DPY19L1: variants seen among roughly 807,000 people sequenced by gnomAD.
DPY19L1 encodes the protein protein C-mannosyl-transferase DPY19L1.
In DPY19L1, 35 loss-of-function variants were observed where a neutral mutation model predicts 96.9. That is an observed-to-expected ratio of 0.36 (90% confidence interval 0.28 to 0.48). The LOEUF is 0.48. Ranked by LOEUF, DPY19L1 falls within the 20% of genes least tolerant of loss-of-function variation. The probability of loss-of-function intolerance (pLI) is 0.99; values close to 1 mark genes in which losing one functional copy is unlikely to be tolerated. For missense variants in DPY19L1, 521 were observed against 777.9 expected (o/e 0.67, Z 3.93); for synonymous variants, 205 against 252.6 (o/e 0.81, Z 1.79).
intron 6 of DPY19L1, among the ~76,000 whole-genome samples, chr7:35,005,058 G>T (rs1158671330): frequency 6.6e-6 from 1 of 152,106 alleles, no homozygotes; most frequent in African/African-American, 2.4e-5. Flanking sequence ...GATACTGAAT[G>T]GGAAAGAACT....
intron 13 of DPY19L1, 109 bp from the exon 14 acceptor site, chr7:34,950,007 C>G: frequency 1.8e-6 from 1 of 546,392 alleles, no homozygotes; most frequent in Non-Finnish European, 3.1e-6. Flanking sequence ...GCCCACTGTT[C>G]CCACACCAAG....
At chr7:34,964,570 C>T (rs1437667530) in intron 10 of DPY19L1, among the ~76,000 whole-genome samples, 9 of 152,086 alleles carry the variant, frequency 5.9e-5, no homozygotes, top group Non-Finnish European at 1.2e-4. Flanking sequence ...TTATTTAATG[C>T]TAGAAAGTTA....
At position 34,967,515 on chromosome 7, in the gene DPY19L1, C is replaced by T. The variant is rs541915304; in HGVS notation, c.1015-544G>A. 4.6e-5 allele frequency among the ~76,000 whole-genome samples: 7 copies of T among 152,162 alleles called. No homozygotes were observed. In the South Asian group the frequency reaches 1.5e-3, roughly 32 times the overall value. On this transcript the variant is annotated intron_variant, in intron 9 of 21. Coordinates refer to ENST00000638088, the MANE Select transcript of DPY19L1 (RefSeq NM_001366673.1). ...TTTCAAATTAAGAGTACTTTCGCTG[C>T]AAAGGTATTTTTAACTTTCTTTTCC...
chr7:35,022,291 T>C (rs1786013675), intron 1 of DPY19L1, among the ~76,000 whole-genome samples: 1 of 152,190 alleles, frequency 6.6e-6, no homozygotes, highest in South Asian at 2.1e-4. Flanking sequence ...AATCCAAACC[T>C]ATTCTATAAG....
At chr7:34,957,514 T>C (rs1784404559) in intron 11 of DPY19L1, among the ~76,000 whole-genome samples, 1 of 152,220 alleles carries the variant, frequency 6.6e-6, no homozygotes, top group Non-Finnish European at 1.5e-5. Flanking sequence ...TTCTTGGTAG[T>C]GATTTAGCAA....
intron 1 of DPY19L1, among the ~76,000 whole-genome samples, chr7:35,023,637 T>A (rs1008433480): frequency 6.6e-6 from 1 of 152,140 alleles, no homozygotes; most frequent in African/African-American, 2.4e-5. Flanking sequence ...AATGAAAGAA[T>A]GGGCTTCTAA....
At chr7:35,036,357 A>G (rs1352645824) in intron 1 of DPY19L1, among the ~76,000 whole-genome samples, 1 of 152,116 alleles carries the variant, frequency 6.6e-6, no homozygotes, top group Non-Finnish European at 1.5e-5. Flanking sequence ...TCAAAATTCA[A>G]CCAGGAAACA....
chr7:35,017,501 C>CAAAAAAAAAAAA lies in DPY19L1; in HGVS notation c.411+369_411+380dup, dbSNP rs1161959357. On this transcript the variant is annotated intron_variant, in intron 3 of 21. Transcript: ENST00000638088. ...TGGGCGACAGAGCGAGACTCCGTCT[C>CAAAAAAAAAAAA]AAAAAAAAAAAAAAAAAAAAATTAG... Among the ~76,000 whole-genome samples, 19 of 13,672 alleles carry CAAAAAAAAAAAA rather than the reference C, an allele frequency of 1.4e-3. 1 individual carries two copies. The highest frequency in any genetic ancestry group is 1.9e-3 in the African/African-American group (6 of 3,090). 9.0% of individuals were successfully genotyped at this position (13,672 alleles called of 152,430 possible). A position where few individuals can be genotyped will look rare whatever the true frequency, so the allele number is the denominator to read the frequency against.
At chr7:35,017,427 G>A (rs955464757) in intron 3 of DPY19L1, among the ~76,000 whole-genome samples, 16 of 148,734 alleles carry the variant, frequency 1.1e-4, no homozygotes, top group East Asian at 2.0e-4. Flanking sequence ...CCCGGGAAGC[G>A]GAGCTTGCAG....
intron 17 of DPY19L1, among the ~76,000 whole-genome samples, 187 bp from the exon 18 acceptor site, chr7:34,942,071 T>G (rs1584202964): frequency 6.6e-6 from 1 of 152,212 alleles, no homozygotes; most frequent in South Asian, 2.1e-4. Flanking sequence ...AGGCTAAAAT[T>G]ATAAAGTCAT....
At chr7:34,944,268 C>T (rs532457333) in intron 16 of DPY19L1, among the ~76,000 whole-genome samples, 2 of 147,932 alleles carry the variant, frequency 1.4e-5, no homozygotes, top group South Asian at 4.3e-4. Context: ...GAGGCTGAGG[C>T]AGACGAATCG....
chr7:35,007,171 A>C (rs1785579955), intron 6 of DPY19L1, among the ~76,000 whole-genome samples: 1 of 152,232 alleles, frequency 6.6e-6, no homozygotes, highest in Non-Finnish European at 1.5e-5. Flanking sequence ...CACTGATAGA[A>C]AAGAAGTGAT....
intron 10 of DPY19L1, among the ~76,000 whole-genome samples, chr7:34,964,270 G>A (rs1649235): frequency 0.26 from 39,987 of 151,996 alleles, 5,488 homozygotes; most frequent in Non-Finnish European, 0.31. Flanking sequence ...AGGTTTTGCT[G>A]CAAACTACAT....
intron 7 of DPY19L1, chr7:34,988,019 A>G (rs1222424101): frequency 1.3e-5 from 2 of 152,082 alleles, no homozygotes; most frequent in East Asian, 3.9e-4. Context: ...TACACCAAGT[A>G]GCTGAAAAGT....
At chr7:35,036,031 C>T (rs903784302) in intron 1 of DPY19L1, among the ~76,000 whole-genome samples, 11 of 152,118 alleles carry the variant, frequency 7.2e-5, no homozygotes, top group African/African-American at 2.7e-4. Context: ...TAGGAACAAC[C>T]TTCTTGAGCC....
At chr7:34,955,175 C>T in intron 12 of DPY19L1, 133 bp downstream of exon 12, 2 of 1,003,624 alleles carry the variant, frequency 2.0e-6, no homozygotes, top group Non-Finnish European at 2.9e-6. Context: ...TACATTAAAA[C>T]TGAGCCCTAA....
At chr7:35,006,079 T>C (rs1267199279) in intron 6 of DPY19L1, among the ~76,000 whole-genome samples, 2 of 152,196 alleles carry the variant, frequency 1.3e-5, no homozygotes, top group Non-Finnish European at 2.9e-5. Flanking sequence ...AGAGTATTTC[T>C]GGCACCCTTT....
At chr7:34,992,952 A>C (rs1218718718) in intron 6 of DPY19L1, among the ~76,000 whole-genome samples, 1 of 152,100 alleles carries the variant, frequency 6.6e-6, no homozygotes, top group Non-Finnish European at 1.5e-5. Context: ...ATGAAACCTA[A>C]ACTTCCTTAC....
chr7:34,986,586 T>C (rs1465850419), intron 7 of DPY19L1, among the ~76,000 whole-genome samples: 1 of 152,028 alleles, frequency 6.6e-6, no homozygotes, highest in Admixed American at 6.6e-5. Flanking sequence ...ATTAATGAGA[T>C]TGTTTTCAAA....
Sources: gnomAD v4.1 joint callset for allele counts (sites outside exome capture counted in the v4.1 genomes callset) on GRCh38, gnomAD v4.1.1 for gene constraint, MANE v1.5 for transcripts, NCBI Gene and HGNC (gene_info 2026-07-23, HGNC 2026-07-21) for gene names.